The following JAZF1 variants were observed in gnomAD, a reference collection of about 807,000 sequenced individuals.
The protein encoded by JAZF1 is JAZF zinc finger 1, also known as juxtaposed with another zinc finger protein 1.
Under a neutral mutation model 26.4 loss-of-function variants are expected in JAZF1, and 8 were observed. The observed-to-expected ratio is 0.30, with a 90% CI of 0.18 to 0.55. JAZF1 has a LOEUF of 0.55. JAZF1 is among the 20% of genes least tolerant of loss of function. The pLI, the probability that JAZF1 is intolerant of heterozygous loss-of-function variation, is 0.94. For missense variants in JAZF1, 199 were observed against 322.0 expected, an observed-to-expected ratio of 0.62 and a Z score of 2.92; for synonymous variants, 126 against 122.3, an observed-to-expected ratio of 1.03 and a Z score of -0.20.
chr7:27,962,423 C>G (rs1785200890), intron 2 of JAZF1, among the ~76,000 whole-genome samples: 1 of 152,190 alleles, frequency 6.6e-6, no homozygotes, highest in Non-Finnish European at 1.5e-5. Context: ...CCAACTGGCT[C>G]TCATGGCTGG....
At chr7:28,081,708 AG>A (rs1343655743) in intron 1 of JAZF1, among the ~76,000 whole-genome samples, 3 of 152,180 alleles carry the variant, frequency 2.0e-5, no homozygotes, top group Non-Finnish European at 4.4e-5. Flanking sequence ...CATCAAGGCC[AG>A]GGAGTTTGTG....
intron 1 of JAZF1, among the ~76,000 whole-genome samples, chr7:28,162,613 C>A (rs998152656): frequency 6.6e-6 from 1 of 152,200 alleles, no homozygotes; most frequent in Admixed American, 6.5e-5. Context: ...AGTAAAAGGA[C>A]AGGTGTTAGA....
intron 2 of JAZF1, among the ~76,000 whole-genome samples, chr7:27,989,952 A>G (rs1390000220): frequency 6.6e-6 from 1 of 152,258 alleles, no homozygotes; most frequent in Non-Finnish European, 1.5e-5. Context: ...CCAAAGGTTT[A>G]TAAATCATGC....
At chr7:28,126,562 A>T (rs1261972002) in intron 1 of JAZF1, among the ~76,000 whole-genome samples, 1 of 152,148 alleles carries the variant, frequency 6.6e-6, no homozygotes, top group African/African-American at 2.4e-5. Flanking sequence ...ATGACCTTGG[A>T]ACAGCACAGA....
intron 1 of JAZF1, among the ~76,000 whole-genome samples, chr7:28,014,026 A>G (rs1782841402): frequency 6.7e-6 from 1 of 149,572 alleles, no homozygotes; most frequent in African/African-American, 2.4e-5. Context: ...CATGGCTGCT[A>G]GTTAAATCAA....
intron 2 of JAZF1, among the ~76,000 whole-genome samples, chr7:27,911,105 A>C (rs1784352938): frequency 6.6e-6 from 1 of 152,236 alleles, no homozygotes; most frequent in Admixed American, 6.5e-5. Context: ...CCAAACACCG[A>C]AGAGCTACAG....
At chr7:27,924,412 A>G (rs1399722699) in intron 2 of JAZF1, among the ~76,000 whole-genome samples, 1 of 152,172 alleles carries the variant, frequency 6.6e-6, no homozygotes, top group East Asian at 1.9e-4. Flanking sequence ...AATGTTGACC[A>G]TTTGTCTGCA....
At chr7:27,897,517 G>GAC (rs58490966) in intron 2 of JAZF1, among the ~76,000 whole-genome samples, 64,644 of 151,902 alleles carry the variant, frequency 0.43, 13,896 homozygotes, top group East Asian at 0.53. Flanking sequence ...CCTGCTAAAA[G>GAC]AGTGTGTCAA....
chr7:27,935,399 T>A (rs1253546816), intron 2 of JAZF1, among the ~76,000 whole-genome samples: 1 of 152,226 alleles, frequency 6.6e-6, no homozygotes, highest in Non-Finnish European at 1.5e-5. Flanking sequence ...ACATATGTGA[T>A]AACATGGATG....
intron 2 of JAZF1, among the ~76,000 whole-genome samples, chr7:27,924,218 C>CA (rs1471588711): frequency 2.0e-5 from 3 of 152,190 alleles, no homozygotes; most frequent in Non-Finnish European, 4.4e-5. Context: ...GCTGGAATTA[C>CA]AGGCGCCCGC....
intron 2 of JAZF1, among the ~76,000 whole-genome samples, chr7:27,974,059 T>G (rs186961277): frequency 1.4e-4 from 22 of 152,174 alleles, no homozygotes; most frequent in African/African-American, 5.1e-4. Flanking sequence ...CTTCCTAGAC[T>G]AATGAATGGG....
intron 2 of JAZF1, among the ~76,000 whole-genome samples, chr7:27,933,284 CAA>C (rs1323558746): frequency 6.6e-6 from 1 of 152,076 alleles, no homozygotes; most frequent in African/African-American, 2.4e-5. Flanking sequence ...AAATAGCAAA[CAA>C]TCACTAGCTG....
chr7:28,017,297 G>A (rs971155577), intron 1 of JAZF1, among the ~76,000 whole-genome samples: 5 of 149,482 alleles, frequency 3.3e-5, no homozygotes, highest in African/African-American at 9.9e-5. Flanking sequence ...GTTACAGTGA[G>A]CTGAGATCAC....
rs1172649557 is a variant in JAZF1 at position 28,160,657 on chromosome 7, G to T, written c.115+19806C>A. ...TACCAAAACCATCTCATCAGAAGGTGGCCCCACTTATGATCTCCACCAGCT... is the reference window on the plus strand; with the variant it reads ...TACCAAAACCATCTCATCAGAAGGTTGCCCCACTTATGATCTCCACCAGCT... On this transcript the variant is annotated intron_variant, in intron 1 of 4. Coordinates refer to ENST00000283928, the MANE Select transcript of JAZF1 (RefSeq NM_175061.4). Among the ~76,000 whole-genome samples the T allele has an allele frequency of 1.6e-3, 251 of 152,214 alleles. 1 individual carries two copies. The highest frequency in any genetic ancestry group is 5.7e-3 in the African/African-American group (235 of 41,530).
chr7:28,063,585 A>G (rs1485050436), intron 1 of JAZF1, among the ~76,000 whole-genome samples: 1 of 152,184 alleles, frequency 6.6e-6, no homozygotes, highest in Non-Finnish European at 1.5e-5. Flanking sequence ...AAAGAATCAA[A>G]TATCTTTAAG....
intron 1 of JAZF1, among the ~76,000 whole-genome samples, chr7:28,179,722 C>T (rs993122967): frequency 6.1e-5 from 9 of 147,972 alleles, no homozygotes; most frequent in Non-Finnish European, 1.1e-4. Flanking sequence ...CCCCCGGGCC[C>T]GCGTCCCCGG....
At chr7:28,073,701 G>A (rs1784010683) in intron 1 of JAZF1, among the ~76,000 whole-genome samples, 2 of 152,058 alleles carry the variant, frequency 1.3e-5, no homozygotes, top group African/African-American at 4.8e-5. Flanking sequence ...GGGCAGTGCT[G>A]GCTGGCAACC....
intron 1 of JAZF1, among the ~76,000 whole-genome samples, chr7:28,146,068 T>G (rs1336418701): frequency 6.6e-6 from 1 of 152,222 alleles, no homozygotes; most frequent in South Asian, 2.1e-4. Context: ...GTTTATTGAC[T>G]TTCCTTGATT....
chr7:27,917,638 A>G (rs1470607325), intron 2 of JAZF1, among the ~76,000 whole-genome samples: 1 of 152,196 alleles, frequency 6.6e-6, no homozygotes, highest in African/African-American at 2.4e-5. Context: ...GCTCTTCTAC[A>G]TGGTCTTTGC....
Sources: gnomAD v4.1 joint callset for allele counts (sites outside exome capture counted in the v4.1 genomes callset) on GRCh38, gnomAD v4.1.1 for gene constraint, MANE v1.5 for transcripts, NCBI Gene and HGNC (gene_info 2026-07-23, HGNC 2026-07-21) for gene names.